Variants in ST3GAL4 observed in about 807,000 individuals in gnomAD.
ST3GAL4 encodes CMP-N-acetylneuraminate-beta-galactosamide-alpha-2,3-sialyltransferase 4.
Under a neutral mutation model 42.6 loss-of-function variants are expected in ST3GAL4, and 24 were observed. The ratio of observed to expected loss-of-function variants is 0.56; its 90% CI spans 0.41 to 0.79. The LOEUF (loss-of-function observed/expected upper bound fraction) is 0.79, where lower values mean the gene tolerates loss of function less well. ST3GAL4 is among the 30% of genes least tolerant of loss of function. The probability of loss-of-function intolerance (pLI) is 0.00; values close to 1 mark genes in which losing one functional copy is unlikely to be tolerated. For synonymous variants in ST3GAL4, 135 were observed against 163.2 expected (o/e 0.83, Z 1.32); for missense variants, 311 against 430.8 (o/e 0.72, Z 2.46).
At chr11:126,387,673 CAA>C (rs1015589992) in intron 1 of ST3GAL4, among the ~76,000 whole-genome samples, 58 of 116,102 alleles carry the variant, frequency 5.0e-4, no homozygotes, top group African/African-American at 1.3e-3. Context: ...GACTCTGTCT[CAA>C]AAAAAAAAAA....
intron 1 of ST3GAL4, among the ~76,000 whole-genome samples, chr11:126,380,968 G>C (rs559259562): frequency 6.6e-6 from 1 of 152,216 alleles, no homozygotes; most frequent in Non-Finnish European, 1.5e-5. Flanking sequence ...CTGTACATGC[G>C]TGCCTGGAAG....
intron 1 of ST3GAL4, among the ~76,000 whole-genome samples, chr11:126,362,291 G>A (rs75071241): frequency 0.059 from 8,823 of 149,990 alleles, 384 homozygotes; most frequent in East Asian, 0.2. Context: ...TCTGCCTCCC[G>A]GGTTCAAGCG....
chr11:126,398,992 C>T lies in ST3GAL4; in HGVS notation c.-60-7104C>T, dbSNP rs940326163. On this transcript the variant is annotated intron_variant, in intron 1 of 10. Transcript: ENST00000444328. This position sits in a 1 kb window ranked among gnomAD's most constrained non-coding sequence, Gnocchi z 4.7. ...TCCTTCCCTCAGATTTTGGCACTGC[C>T]GGAGCTGTGATCACAGGTCATCTCT... is the stretch of plus-strand genomic sequence containing the variant. Among the ~76,000 whole-genome samples, 2 of 152,110 alleles carry T rather than the reference C, an allele frequency of 1.3e-5. No homozygotes were observed. The highest frequency in any genetic ancestry group is 1.5e-5 in the Non-Finnish European group (1 of 68,018).
At chr11:126,358,445 T>G (rs1026992416) in intron 1 of ST3GAL4, 1 of 455,052 alleles carries the variant, frequency 2.2e-6, no homozygotes, top group Non-Finnish European at 4.4e-6. Flanking sequence ...TGAGTGGCCC[T>G]GGATGGACTA....
chr11:126,390,057 C>T (rs1409038225), intron 1 of ST3GAL4, among the ~76,000 whole-genome samples: 1 of 147,582 alleles, frequency 6.8e-6, no homozygotes, highest in Non-Finnish European at 1.5e-5. Context: ...GTGGGGGGCG[C>T]CTGTAGTCCC....
Position 126,373,761 on chromosome 11 carries a change from A to C in ST3GAL4, c.-61+17919A>C, listed in dbSNP as rs1470643518. 2.0e-5 allele frequency among the ~76,000 whole-genome samples: 3 copies of C among 152,068 alleles called. No individual in the cohort carries two copies. Among genetic ancestry groups the C allele is most frequent in the Non-Finnish European group, 2.9e-5 (2 of 68,006 alleles). On this transcript the variant is annotated intron_variant, in intron 1 of 10. Coordinates refer to ENST00000444328, the MANE Select transcript of ST3GAL4 (RefSeq NM_001254757.2). This position sits in a 1 kb window ranked among gnomAD's most constrained non-coding sequence, Gnocchi z 5.5. ...ATCCTCCCATGCATGACCCTGAGGCAGTTAGCTGGTCAGTTACTCACTGTG... is the reference window on the plus strand; with the variant it reads ...ATCCTCCCATGCATGACCCTGAGGCCGTTAGCTGGTCAGTTACTCACTGTG...
rs909806431 is a variant in ST3GAL4, at chr11:126,394,743, T to C, written c.-60-11353T>C. Reference sequence around the variant, plus strand: ...CCCTGCCCTGGGTATGATTTTCAAGTGGTTGGTGTCTTGTGACTGGCAGCT... The same window carrying C: ...CCCTGCCCTGGGTATGATTTTCAAGCGGTTGGTGTCTTGTGACTGGCAGCT... On this transcript the variant is annotated intron_variant, in intron 1 of 10. Coordinates refer to ENST00000444328, the MANE Select transcript of ST3GAL4 (RefSeq NM_001254757.2). Among the ~76,000 whole-genome samples the C allele has an allele frequency of 4.0e-5, 6 of 149,776 alleles. No homozygotes were observed. In the East Asian group the frequency reaches 1.0e-3, roughly 25 times the overall value.
chr11:126,372,847 G>A (rs1283324813), intron 1 of ST3GAL4, among the ~76,000 whole-genome samples: 1 of 152,106 alleles, frequency 6.6e-6, no homozygotes, highest in Non-Finnish European at 1.5e-5. Context: ...GGATACTTGG[G>A]TTGCTTCCCG....
rs910515135 is a variant in ST3GAL4, at chr11:126,379,591, C to T, written c.-61+23749C>T. ...CTCCCGGGTTCAAGTAATTCTCCTG[C>T]CTCATCCTCCTGAGTAACTGAGATT... On this transcript the variant is annotated intron_variant, in intron 1 of 10. Coordinates refer to ENST00000444328, the MANE Select transcript of ST3GAL4 (RefSeq NM_001254757.2). The surrounding 1 kb of genome is among the most constrained non-coding windows in gnomAD (Gnocchi z 4.2). 3.3e-5 allele frequency among the ~76,000 whole-genome samples: 5 copies of T among 152,152 alleles called. No homozygotes were observed. Among genetic ancestry groups the T allele is most frequent in the African/African-American group, 4.8e-5 (2 of 41,436 alleles).
rs138708188 is a variant in ST3GAL4, at chr11:126,410,664, G to A, written c.771+1253G>A. 4.8e-3 allele frequency among the ~76,000 whole-genome samples: 731 copies of A among 152,320 alleles called. 5 individuals are homozygous for A. The highest frequency in any genetic ancestry group is 0.01 in the Middle Eastern group (3 of 294). Reference sequence around the variant, plus strand: ...AACATTTCCTGTTATTCCATGTTCTGTGTTGAATGGCTGCTTTTGTGACTG... The same window carrying A: ...AACATTTCCTGTTATTCCATGTTCTATGTTGAATGGCTGCTTTTGTGACTG... On this transcript the variant is annotated intron_variant, in intron 9 of 10. Coordinates refer to ENST00000444328, the MANE Select transcript of ST3GAL4 (RefSeq NM_001254757.2). The surrounding 1 kb of genome is among the most constrained non-coding windows in gnomAD (Gnocchi z 5.3).
intron 1 of ST3GAL4, among the ~76,000 whole-genome samples, chr11:126,369,213 C>T (rs1952544442): frequency 6.6e-6 from 1 of 152,114 alleles, no homozygotes; most frequent in Non-Finnish European, 1.5e-5. Flanking sequence ...AAGCAACCTC[C>T]CTTCAAGATA....
intron 9 of ST3GAL4, among the ~76,000 whole-genome samples, chr11:126,412,095 G>A (rs963055309): frequency 6.6e-6 from 1 of 152,108 alleles, no homozygotes; most frequent in African/African-American, 2.4e-5. Context: ...TTGGACAGCC[G>A]GTAGGGGGCG....
chr11:126,384,935 G>A lies in ST3GAL4; in HGVS notation c.-60-21161G>A, dbSNP rs190304857. On this transcript the variant is annotated intron_variant, in intron 1 of 10. Transcript: ENST00000444328. The surrounding 1 kb of genome is among the most constrained non-coding windows in gnomAD (Gnocchi z 5.5). ...GACAGAGCTTGAATGGAGAGGGGCC[G>A]CCTTGTGCCTGGGAAGGGAGGACCA... 3.8e-4 allele frequency: 375 copies of A among 984,354 alleles called. No individual in the cohort carries two copies. Among genetic ancestry groups the A allele is most frequent in the South Asian group, 5.2e-4 (11 of 21,238 alleles). 61.0% of individuals were successfully genotyped at this position (984,354 alleles called of 1,614,324 possible).
intron 4 of ST3GAL4, 61 bp downstream of exon 4, chr11:126,407,084 TCA>T: frequency 6.4e-7 from 1 of 1,552,162 alleles, no homozygotes; most frequent in South Asian, 1.1e-5. Context: ...ATTGAGGGTT[TCA>T]CAGTGTGGGG....
chr11:126,371,681 C>T (rs988856349), intron 1 of ST3GAL4, among the ~76,000 whole-genome samples: 3 of 152,220 alleles, frequency 2.0e-5, no homozygotes, highest in Non-Finnish European at 4.4e-5. Context: ...AGCCATCCCT[C>T]TCCTGACGAT....
chr11:126,377,905 C>T (rs373365186), intron 1 of ST3GAL4, among the ~76,000 whole-genome samples: 3 of 152,320 alleles, frequency 2.0e-5, no homozygotes, highest in East Asian at 3.9e-4. Context: ...TAAGATAATT[C>T]GAAGTGTCAA....
At chr11:126,412,934 T>C (rs1452708401) in intron 9 of ST3GAL4, among the ~76,000 whole-genome samples, 5 of 152,218 alleles carry the variant, frequency 3.3e-5, no homozygotes, top group Admixed American at 2.6e-4. Context: ...ATACTAAACA[T>C]AGTGTCTGGC....
Position 126,414,138 on chromosome 11 carries a change from C to T in ST3GAL4, c.*91C>T, listed in dbSNP as rs1954644197. 1.2e-5 allele frequency: 15 copies of T among 1,242,820 alleles called. No individual in the cohort carries two copies. Among genetic ancestry groups the T allele is most frequent in the Non-Finnish European group, 1.8e-5 (15 of 845,462 alleles). The allele number at this position is 1,242,820 out of a possible 1,614,324, so 77.0% of individuals were successfully genotyped here. ...GTGGGGGTGGCTGGTGCCAGTATGA[C>T]CCACTTGGACTCACCCCCTCTTGGG... On this transcript the variant is annotated 3_prime_UTR_variant, in exon 11 of 11. Coordinates refer to ENST00000444328, the MANE Select transcript of ST3GAL4 (RefSeq NM_001254757.2).
intron 1 of ST3GAL4, chr11:126,403,539 T>C: frequency 1.4e-6 from 1 of 723,178 alleles, no homozygotes; most frequent in Non-Finnish European, 1.7e-6. Flanking sequence ...GCCCCACCCC[T>C]AACCAATTAA....
Sources: allele counts gnomAD v4.1 joint callset (sites outside exome capture counted in the v4.1 genomes callset), GRCh38; gene constraint gnomAD v4.1.1; non-coding constraint Gnocchi (gnomAD v3.1); transcripts MANE v1.5; gene names NCBI Gene and HGNC (gene_info 2026-07-23, HGNC 2026-07-21).